TNRC6B: variants seen among roughly 807,000 people sequenced by gnomAD.
The protein encoded by TNRC6B is trinucleotide repeat containing adaptor 6B, also known as trinucleotide repeat-containing gene 6B protein.
Under a neutral mutation model 203.6 loss-of-function variants are expected in TNRC6B, and 52 were observed. The ratio of observed to expected loss-of-function variants is 0.26; its 90% CI spans 0.20 to 0.32. The LOEUF is 0.32. TNRC6B is among the 10% of genes least tolerant of loss of function. The pLI is 1.00. For synonymous variants in TNRC6B, 838 were observed against 845.7 expected (o/e 0.99, Z 0.16); for missense variants, 1,923 against 2,286.2 (o/e 0.84, Z 3.24).
At chr22:40,233,940 ATCGTTTCAGTAG>A (rs2069913719) in intron 1 of TNRC6B, among the ~76,000 whole-genome samples, 1 of 152,234 alleles carries the variant, frequency 6.6e-6, no homozygotes, top group African/African-American at 2.4e-5. Context: ...TCCTAATGTC[ATCGTTTCAGTAG>A]AGTTTCACAA....
At chr22:40,109,224 A>G (rs911805327) in intron 1 of TNRC6B, among the ~76,000 whole-genome samples, 3 of 152,116 alleles carry the variant, frequency 2.0e-5, no homozygotes, top group African/African-American at 7.2e-5. Flanking sequence ...TGCTGTTGTG[A>G]ATAGTGCTGC....
intron 11 of TNRC6B, among the ~76,000 whole-genome samples, chr22:40,281,564 ATGT>A (rs1304863142): frequency 1.6e-4 from 25 of 152,262 alleles, no homozygotes; most frequent in African/African-American, 5.1e-4. Context: ...ACTAAGGAAA[ATGT>A]TAAAGAGGCT....
At chr22:40,072,566 G>A (rs983245231) in intron 1 of TNRC6B, among the ~76,000 whole-genome samples, 11 of 152,142 alleles carry the variant, frequency 7.2e-5, no homozygotes, top group Non-Finnish European at 1.3e-4. Context: ...CACTAACTTA[G>A]TCAAGAACTG....
chr22:40,278,716 T>C (rs1309997563), intron 9 of TNRC6B, among the ~76,000 whole-genome samples: 3 of 152,202 alleles, frequency 2.0e-5, no homozygotes, highest in Non-Finnish European at 4.4e-5. Context: ...AATTCAGATA[T>C]ATACTGGCAT....
At chr22:40,126,470 C>G (rs2068494117) in intron 3 of TNRC6B, among the ~76,000 whole-genome samples, 1 of 151,794 alleles carries the variant, frequency 6.6e-6, no homozygotes, top group Non-Finnish European at 1.5e-5. Context: ...CAGTGTTTAG[C>G]TCCCACTTAT....
chr22:40,132,953 A>AAAT (rs1212170439), intron 3 of TNRC6B, among the ~76,000 whole-genome samples: 6 of 84,028 alleles, frequency 7.1e-5, no homozygotes, highest in African/African-American at 1.5e-4. Context: ...CAAAAAAAAA[A>AAAT]AAAAAAAAAA....
chr22:40,051,268 G>A (rs1001988966), intron 1 of TNRC6B, among the ~76,000 whole-genome samples: 1 of 152,156 alleles, frequency 6.6e-6, no homozygotes, highest in African/African-American at 2.4e-5. Flanking sequence ...ACCTCTGCAT[G>A]GAATCCCTTA....
At chr22:40,071,488 C>T (rs1249030685) in intron 1 of TNRC6B, among the ~76,000 whole-genome samples, 1 of 152,162 alleles carries the variant, frequency 6.6e-6, no homozygotes, top group African/African-American at 2.4e-5. Context: ...TAAAAAGTAA[C>T]GTATACTTGT....
chr22:40,239,248 T>G (rs2069993164), intron 1 of TNRC6B, among the ~76,000 whole-genome samples: 1 of 152,130 alleles, frequency 6.6e-6, no homozygotes, highest in Non-Finnish European at 1.5e-5. Context: ...AATAAATGTT[T>G]GTTAAAGGAA....
intron 1 of TNRC6B, among the ~76,000 whole-genome samples, chr22:40,200,240 T>G (rs1555888963): frequency 6.6e-6 from 1 of 151,510 alleles, no homozygotes. Flanking sequence ...AAGTTTGAGA[T>G]TGTTTCAAAA....
chr22:40,307,369 C>T (rs552050106), intron 15 of TNRC6B, among the ~76,000 whole-genome samples: 14 of 152,260 alleles, frequency 9.2e-5, no homozygotes, highest in South Asian at 2.1e-4. Flanking sequence ...GAGGCTTGCT[C>T]GCCTCCCTGG....
Position 40,308,552 on chromosome 22 carries a change from G to A in TNRC6B, c.4161G>A (p.Gly1387=), listed in dbSNP as rs186787777. 1.5e-4 allele frequency: 250 copies of A among 1,614,008 alleles called. No homozygotes were observed. Among genetic ancestry groups the A allele is most frequent in the Middle Eastern group, 3.3e-4 (2 of 6,062 alleles). Residue 1387 remains glycine, a synonymous_variant, in exon 16 of 23, where the codon GGG becomes GGA. Coordinates refer to ENST00000454349, the MANE Select transcript of TNRC6B (RefSeq NM_001162501.2). ...GCATGGACTATGGCATGGTTGGTGG[G>A]AAGGAGGCTGGAACCGAGTCTCGCT... is the stretch of plus-strand genomic sequence containing the variant. ...SGGMDYGMVG[G]KEAGTESRFK...
intron 1 of TNRC6B, among the ~76,000 whole-genome samples, chr22:40,194,003 T>TGG (rs2069305913): frequency 6.6e-6 from 1 of 151,970 alleles, no homozygotes; most frequent in Non-Finnish European, 1.5e-5. Flanking sequence ...AGAACACAGT[T>TGG]AGTTGGGGTT....
intron 9 of TNRC6B, among the ~76,000 whole-genome samples, chr22:40,278,374 A>C (rs138902086): frequency 5.3e-5 from 8 of 152,186 alleles, no homozygotes; most frequent in African/African-American, 1.9e-4. Context: ...CCTGGCCTAC[A>C]TGGTGAAACC....
intron 1 of TNRC6B, among the ~76,000 whole-genome samples, chr22:40,227,939 G>A (rs2069814363): frequency 6.6e-6 from 1 of 152,094 alleles, no homozygotes. Context: ...TTTCTCTCCT[G>A]TTTAGGAGCC....
chr22:40,290,733 G>C (rs535119094), intron 12 of TNRC6B, among the ~76,000 whole-genome samples: 1 of 151,608 alleles, frequency 6.6e-6, no homozygotes. Context: ...AGTATAATAA[G>C]CTTCACAGTG....
chr22:40,238,433 T>C (rs2146459899), intron 1 of TNRC6B, among the ~76,000 whole-genome samples: 1 of 152,308 alleles, frequency 6.6e-6, no homozygotes, highest in Non-Finnish European at 1.5e-5. Context: ...ATGTGCTGGT[T>C]AATTTAAAAA....
intron 3 of TNRC6B, among the ~76,000 whole-genome samples, chr22:40,143,642 G>A (rs528831975): frequency 5.3e-5 from 8 of 152,016 alleles, no homozygotes; most frequent in South Asian, 4.2e-4. Context: ...GACTACAGGC[G>A]CCCACCACCA....
intron 1 of TNRC6B, among the ~76,000 whole-genome samples, chr22:40,098,687 A>G (rs551896614): frequency 3.9e-5 from 6 of 152,142 alleles, no homozygotes; most frequent in African/African-American, 1.4e-4. Flanking sequence ...AAATATTTTT[A>G]CCCATGGTTT....
Sources: gnomAD v4.1 joint callset for allele counts (sites outside exome capture counted in the v4.1 genomes callset) on GRCh38, gnomAD v4.1.1 for gene constraint, MANE v1.5 for transcripts, NCBI Gene and HGNC (gene_info 2026-07-23, HGNC 2026-07-21) for gene names.